Variants in ZNF17 observed in about 807,000 individuals in gnomAD.
The protein encoded by ZNF17 is zinc finger protein 17.
In ZNF17, 4 loss-of-function variants were observed where a neutral mutation model predicts 7.7. The ratio of observed to expected loss-of-function variants is 0.52; its 90% CI spans 0.26 to 1.20. The LOEUF is 1.20. Among genes scored for constraint, ZNF17 ranks in the 50% most tolerant of loss-of-function variants. The pLI, the probability that ZNF17 is intolerant of heterozygous loss-of-function variation, is 0.14. For synonymous variants in ZNF17, 249 were observed against 258.8 expected, an observed-to-expected ratio of 0.96 and a Z score of 0.36; for missense variants, 738 against 799.5, an observed-to-expected ratio of 0.92 and a Z score of 0.93.
In ZNF17 at chr19:57,421,007, A is replaced by G. The variant is rs369729845; in HGVS notation, c.1521A>G (p.Lys507=). The G allele has an allele frequency of 3.1e-6, 5 of 1,614,120 alleles. No homozygotes were observed. The highest frequency in any genetic ancestry group is 1.1e-5 in the South Asian group (1 of 91,084). ...CTTTTGAATGCAGCATTTGTGGGAA[A>G]TCCTTTAGATGTCGCTCCACACTTG... ...ERPFECSICG[K]SFRCRSTLDT... Residue 507 remains lysine, a synonymous_variant, in exon 4 of 4, where the codon AAA becomes AAG. Coordinates refer to ENST00000307658, the MANE Select transcript of ZNF17 (RefSeq NM_001330617.2).
At chr19:57,411,469 G>A (rs993919260) in intron 1 of ZNF17, 63 bp downstream of exon 1, 1 of 1,589,278 alleles carries the variant, frequency 6.3e-7, no homozygotes, top group Non-Finnish European at 8.5e-7. Flanking sequence ...GCCCCGAGGA[G>A]GGGCCCTGCA....
At position 57,421,232 on chromosome 19, in the gene ZNF17, A is replaced by G; in HGVS notation, c.1746A>G (p.Arg582=). 1 of 1,614,126 alleles carries G rather than the reference A, an allele frequency of 6.2e-7. No individual in the cohort carries two copies. Among genetic ancestry groups the G allele is most frequent in the Non-Finnish European group, 8.5e-7 (1 of 1,180,024 alleles). Residue 582 remains arginine (R), a synonymous_variant, in exon 4 of 4, where the codon AGA becomes AGG. Coordinates refer to ENST00000307658, the MANE Select transcript of ZNF17 (RefSeq NM_001330617.2). The part of the protein sequence containing the change: ...IRHQKVHTRE[R]TYKCSKCGKF... Reference sequence around the variant, plus strand: ...ACCAAAAAGTTCACACTAGGGAAAGAACTTACAAATGCAGCAAATGTGGGA... The same window carrying G: ...ACCAAAAAGTTCACACTAGGGAAAGGACTTACAAATGCAGCAAATGTGGGA...
chr19:57,419,882 A>C lies in ZNF17; in HGVS notation c.396A>C (p.Glu132Asp). 6.2e-7 allele frequency: 1 copy of C among 1,614,198 alleles called. No homozygotes were observed. The highest frequency in any genetic ancestry group is 8.5e-7 in the Non-Finnish European group (1 of 1,180,028). The change falls in exon 4 of 4, where the codon GAA becomes GAC. Residue 132 changes from glutamate to aspartate, a missense_variant. Coordinates refer to ENST00000307658, the MANE Select transcript of ZNF17 (RefSeq NM_001330617.2). ...GAGAGAAGCTCACCAGAAGTGATGAAGGGAGGCCTTCGTTTGTGAATGACA... is the reference window on the plus strand; with the variant it reads ...GAGAGAAGCTCACCAGAAGTGATGACGGGAGGCCTTCGTTTGTGAATGACA... ...HLREKLTRSD[E>D]GRPSFVNDSV...
At position 57,420,943 on chromosome 19, in the gene ZNF17, C is replaced by T. The variant is rs754626327; in HGVS notation, c.1457C>T (p.Thr486Ile). 2 of 1,613,874 alleles carry T rather than the reference C, an allele frequency of 1.2e-6. No individual in the cohort carries two copies. Among genetic ancestry groups the T allele is most frequent in the Admixed American group, 1.7e-5 (1 of 60,006 alleles). The change falls in exon 4 of 4, where the codon ACA becomes ATA. Residue 486 changes from threonine to isoleucine, a missense_variant. Physicochemically the swap from Thr to Ile is moderately conservative, Grantham distance 89 (BLOSUM62 -1). Transcript: ENST00000307658. ...ECGKFFVDSC[T>I]LKSHQRVHTG... ...GGCAAATTCTTTGTGGACAGCTGTACACTGAAGAGTCATCAGAGAGTTCAC... is the reference window on the plus strand; with the variant it reads ...GGCAAATTCTTTGTGGACAGCTGTATACTGAAGAGTCATCAGAGAGTTCAC...
chr19:57,415,199 G>A (rs1033546739), intron 2 of ZNF17, among the ~76,000 whole-genome samples: 6 of 152,168 alleles, frequency 3.9e-5, no homozygotes, highest in Admixed American at 3.9e-4. Flanking sequence ...TTGATCTAGA[G>A]CTGCTCACAT....
intron 2 of ZNF17, among the ~76,000 whole-genome samples, chr19:57,415,102 T>G (rs1050057549): frequency 2.0e-5 from 3 of 152,204 alleles, no homozygotes; most frequent in Non-Finnish European, 2.9e-5. Flanking sequence ...TGGGTGATAA[T>G]TCCTGCCACA....
chr19:57,415,619 C>T (rs1445276305), intron 2 of ZNF17, among the ~76,000 whole-genome samples: 1 of 151,940 alleles, frequency 6.6e-6, no homozygotes, highest in African/African-American at 2.4e-5. Flanking sequence ...CTGTTGGGCA[C>T]CTGGATGGGG....
chr19:57,417,856 AAAAAAAG>A, intron 2 of ZNF17, 49 bp from the exon 3 acceptor site: 1 of 1,587,118 alleles, frequency 6.3e-7, no homozygotes, highest in Non-Finnish European at 8.5e-7. Context: ...AAAAAAAAAA[AAAAAAAG>A]AAAGAAAAAA....
At chr19:57,411,614 T>C (rs1249514876) in intron 1 of ZNF17, 9 of 1,381,880 alleles carry the variant, frequency 6.5e-6, no homozygotes, top group Non-Finnish European at 8.4e-6. Context: ...CGGGCGGCAC[T>C]GGGGAGCCCG....
rs2088846061 is a variant in ZNF17 at position 57,420,872 on chromosome 19, T to C, written c.1386T>C (p.His462=). Reference sequence around the variant, plus strand: ...GGTATTGCTTCACACTGAATAGACATCAGAGAGTTCACTCTGGAGAGAGGC... The same window carrying C: ...GGTATTGCTTCACACTGAATAGACACCAGAGAGTTCACTCTGGAGAGAGGC... The part of the protein sequence containing the change: ...FFRYCFTLNR[H]QRVHSGERPY... The change falls in exon 4 of 4, where the codon CAT becomes CAC. Residue 462 remains histidine (H), a synonymous_variant. Transcript: ENST00000307658. The C allele has an allele frequency of 6.8e-6, 11 of 1,614,116 alleles. No individual in the cohort carries two copies. Among genetic ancestry groups the C allele is most frequent in the Non-Finnish European group, 9.3e-6 (11 of 1,180,016 alleles).
rs1448636002 is a variant in ZNF17 at position 57,421,662 on chromosome 19, A to G, written c.*181A>G. 7 of 651,512 alleles carry G rather than the reference A, an allele frequency of 1.1e-5. No individual in the cohort carries two copies. The Admixed American group carries it at 2.4e-4, about 23-fold the overall frequency. 40.4% of individuals were successfully genotyped at this position (651,512 alleles called of 1,614,324 possible). On this transcript the variant is annotated 3_prime_UTR_variant, in exon 4 of 4. Transcript: ENST00000307658. ...TTAAGTCATTCACATTGTGCAATGA[A>G]TATCTAGAAGTCTTTTCAACTTATG...
intron 1 of ZNF17, among the ~76,000 whole-genome samples, chr19:57,412,150 G>C (rs1271803446): frequency 6.6e-6 from 1 of 152,164 alleles, no homozygotes; most frequent in African/African-American, 2.4e-5. Context: ...ACGGAGTTCT[G>C]AATGGGTTAA....
Position 57,419,690 on chromosome 19 carries a change from A to G in ZNF17, c.204A>G (p.Val68=), listed in dbSNP as rs757076359. ...EEAPSKQCVS[V]GVSQVTTLKP... ...CACCTTCCAAGCAATGTGTTTCTGT[A>G]GGAGTGTCACAGGTCACAACTTTAA... is the stretch of plus-strand genomic sequence containing the variant. Residue 68 remains valine, a synonymous_variant, in exon 4 of 4, where the codon GTA becomes GTG. Transcript: ENST00000307658. 2.5e-6 allele frequency: 4 copies of G among 1,614,218 alleles called. No homozygotes were observed. Among genetic ancestry groups the G allele is most frequent in the Non-Finnish European group, 3.4e-6 (4 of 1,180,020 alleles).
chr19:57,414,191 G>A lies in ZNF17; in HGVS notation c.21+555G>A, dbSNP rs2088796539. 2.0e-5 allele frequency among the ~76,000 whole-genome samples: 3 copies of A among 151,736 alleles called. No homozygotes were observed. The South Asian group carries it at 6.3e-4, about 32-fold the overall frequency. On this transcript the variant is annotated intron_variant, in intron 2 of 3. Coordinates refer to ENST00000307658, the MANE Select transcript of ZNF17 (RefSeq NM_001330617.2). Reference sequence around the variant, plus strand: ...TGGGATTATAGGCACCCGCCACCATGCCCGGCTAATTTTTGTATTTTTTAG... The same window carrying A: ...TGGGATTATAGGCACCCGCCACCATACCCGGCTAATTTTTGTATTTTTTAG...
chr19:57,416,452 ACT>A (rs968278655), intron 2 of ZNF17, among the ~76,000 whole-genome samples: 44 of 151,916 alleles, frequency 2.9e-4, no homozygotes, highest in African/African-American at 9.9e-4. Flanking sequence ...GATCTGGGTG[ACT>A]CTAGGGAAAT....
At chr19:57,412,569 C>G (rs975127259) in intron 1 of ZNF17, among the ~76,000 whole-genome samples, 7 of 151,878 alleles carry the variant, frequency 4.6e-5, no homozygotes, top group Admixed American at 1.3e-4. Context: ...CTCAGCCTCC[C>G]GAGTAGCTGG....
At chr19:57,414,771 C>T (rs1031480389) in intron 2 of ZNF17, among the ~76,000 whole-genome samples, 2 of 148,878 alleles carry the variant, frequency 1.3e-5, no homozygotes, top group Non-Finnish European at 3.0e-5. Context: ...AGTGCAGTGG[C>T]GTGAACTCGG....
At chr19:57,418,774 A>G (rs1335287287) in intron 3 of ZNF17, among the ~76,000 whole-genome samples, 2 of 151,990 alleles carry the variant, frequency 1.3e-5, no homozygotes, top group Non-Finnish European at 2.9e-5. Context: ...GCCACACCGC[A>G]TGTCTCTCTT....
chr19:57,420,403 GT>G lies in ZNF17; in HGVS notation c.918del (p.Cys306Ter). The G allele has an allele frequency of 6.2e-7, 1 of 1,614,212 alleles. No homozygotes were observed. The highest frequency in any genetic ancestry group is 2.2e-5 in the East Asian group (1 of 44,882). ...RIHTRPRPYV[C>X]SECGKAFLTQ... ...CACACCAGGCCAAGGCCTTATGTGT[GT>G]AGTGAATGTGGGAAGGCCTTCCTTA... is the stretch of plus-strand genomic sequence containing the variant. On this transcript the variant is annotated frameshift_variant, in exon 4 of 4. Transcript: ENST00000307658. LOFTEE classifies it low-confidence loss of function (END_TRUNC).
Sources: allele counts gnomAD v4.1 joint callset (sites outside exome capture counted in the v4.1 genomes callset), GRCh38; gene constraint gnomAD v4.1.1; transcripts MANE v1.5; gene names NCBI Gene and HGNC (gene_info 2026-07-23, HGNC 2026-07-21).